ATP8A2: variants seen among roughly 807,000 people sequenced by gnomAD.
ATP8A2 encodes the protein ATPase phospholipid transporting 8A2, also known as phospholipid-transporting ATPase IB.
Under a neutral mutation model 165.6 loss-of-function variants are expected in ATP8A2, and 100 were observed. That is an observed-to-expected ratio of 0.60 (90% CI 0.51 to 0.71). The LOEUF is 0.71. Ranked by LOEUF, ATP8A2 falls within the 30% of genes least tolerant of loss-of-function variation. ATP8A2 has a pLI of 0.00. For synonymous variants in ATP8A2, 543 were observed against 548.8 expected (o/e 0.99, Z 0.15); for missense variants, 1,227 against 1,479.5 (o/e 0.83, Z 2.80).
chr13:25,647,415 T>G (rs771587530), intron 24 of ATP8A2, among the ~76,000 whole-genome samples: 2 of 152,224 alleles, frequency 1.3e-5, no homozygotes, highest in African/African-American at 2.4e-5. Context: ...TTTGAATATA[T>G]CATCCCACTC....
At chr13:25,592,938 G>A (rs1360162945) in intron 24 of ATP8A2, among the ~76,000 whole-genome samples, 1 of 152,084 alleles carries the variant, frequency 6.6e-6, no homozygotes, top group African/African-American at 2.4e-5. Context: ...AATTTATTCA[G>A]TATCTACTGA....
In ATP8A2 at chr13:25,940,954, G is replaced by T. The variant is rs182752273; in HGVS notation, c.3184-20621G>T. On this transcript the variant is annotated intron_variant, in intron 33 of 36. Transcript: ENST00000381655. ...GATTCACAGAGAGGGCTGGGCACGT[G>T]CCATGGTGTGCGGTAGCAGAGTCCA... 2.8e-3 allele frequency among the ~76,000 whole-genome samples: 432 copies of T among 152,314 alleles called. 2 individuals carry two copies. The highest frequency in any genetic ancestry group is 5.1e-3 in the Non-Finnish European group (346 of 68,034).
chr13:25,903,039 C>T (rs1462531312), intron 33 of ATP8A2, among the ~76,000 whole-genome samples: 2 of 151,844 alleles, frequency 1.3e-5, no homozygotes, highest in Non-Finnish European at 2.9e-5. Flanking sequence ...TCACTTGAAC[C>T]TGGGAGGCGG....
intron 24 of ATP8A2, among the ~76,000 whole-genome samples, chr13:25,661,626 G>A (rs1372177281): frequency 2.6e-5 from 4 of 152,174 alleles, no homozygotes; most frequent in African/African-American, 9.7e-5. Context: ...TAGCTCTGGA[G>A]AGACGGTCTT....
chr13:25,628,774 T>C (rs922039310), intron 24 of ATP8A2, among the ~76,000 whole-genome samples: 2 of 152,172 alleles, frequency 1.3e-5, no homozygotes, highest in African/African-American at 4.8e-5. Context: ...TCATGATAGA[T>C]TAGGGCCCAC....
chr13:25,699,431 C>G, intron 25 of ATP8A2, 86 bp downstream of exon 25: 1 of 1,081,808 alleles, frequency 9.2e-7, no homozygotes, highest in Non-Finnish European at 1.3e-6. Flanking sequence ...CATGGGAATT[C>G]TAGGTTTAAA....
chr13:25,978,263 G>T (rs79655984), intron 35 of ATP8A2, among the ~76,000 whole-genome samples: 4 of 152,112 alleles, frequency 2.6e-5, no homozygotes, highest in Admixed American at 2.0e-4. Context: ...CATTCCAGGC[G>T]GGGATTAGTT....
In ATP8A2 at chr13:25,402,411, G is replaced by A. The variant is rs374250835; in HGVS notation, c.76+30123G>A. Among the ~76,000 whole-genome samples, 225 of 152,220 alleles carry A rather than the reference G, an allele frequency of 1.5e-3. 5 individuals carry two copies. The South Asian group carries it at 0.045, about 30-fold the overall frequency. ...GGACACTTGGCCCTGCGTGTGTTAG[G>A]GTATGAGTATCTTTCTGCATGGATG... On this transcript the variant is annotated intron_variant, in intron 1 of 36. Transcript: ENST00000381655.
intron 35 of ATP8A2, among the ~76,000 whole-genome samples, chr13:26,000,732 A>C (rs902954534): frequency 1.3e-5 from 2 of 148,538 alleles, no homozygotes; most frequent in African/African-American, 4.9e-5. Context: ...AAGTACTTTA[A>C]TGCCAATACC....
chr13:25,681,398 C>A (rs1005436530), intron 24 of ATP8A2, among the ~76,000 whole-genome samples: 1 of 152,170 alleles, frequency 6.6e-6, no homozygotes, highest in Non-Finnish European at 1.5e-5. Context: ...TTGCGTACCC[C>A]ATAGTGTTTA....
At position 25,864,046 on chromosome 13, in the gene ATP8A2, G is replaced by A. The variant is rs568034996; in HGVS notation, c.3183+1638G>A. ...TTGATCCCCACAAAAAGCAAACCAA[G>A]AAAAGTATCCACTACAAGACAACGA... On this transcript the variant is annotated intron_variant, in intron 33 of 36. Transcript: ENST00000381655. Among the ~76,000 whole-genome samples the A allele has an allele frequency of 5.1e-4, 77 of 152,286 alleles. 1 individual carries two copies. Among genetic ancestry groups the A allele is most frequent in the African/African-American group, 1.8e-3 (76 of 41,564 alleles).
At chr13:25,600,775 G>T (rs945843900) in intron 24 of ATP8A2, among the ~76,000 whole-genome samples, 3 of 152,180 alleles carry the variant, frequency 2.0e-5, no homozygotes, top group African/African-American at 7.2e-5. Context: ...TGGTAAGAAA[G>T]GAGTCTAAGA....
chr13:25,427,531 C>A (rs1185745838), intron 1 of ATP8A2, among the ~76,000 whole-genome samples: 3 of 151,772 alleles, frequency 2.0e-5, no homozygotes. Flanking sequence ...GTCCCTGGTG[C>A]CAAAAAGGTT....
chr13:25,467,412 C>G (rs1286131553), intron 1 of ATP8A2, among the ~76,000 whole-genome samples: 1 of 152,188 alleles, frequency 6.6e-6, no homozygotes, highest in Non-Finnish European at 1.5e-5. Flanking sequence ...TCGCTTGTCC[C>G]TTTCTTAGGA....
intron 25 of ATP8A2, among the ~76,000 whole-genome samples, chr13:25,755,436 T>C (rs1270852866): frequency 6.6e-6 from 1 of 152,200 alleles, no homozygotes; most frequent in Admixed American, 6.5e-5. Context: ...CTGATTCACA[T>C]AGGCAAAATT....
intron 24 of ATP8A2, among the ~76,000 whole-genome samples, chr13:25,656,740 CAA>C (rs11326774): frequency 0.042 from 4,872 of 114,784 alleles, 138 homozygotes; most frequent in East Asian, 0.15. Context: ...GACTCTGTCT[CAA>C]AAAAAAAAAA....
At chr13:25,757,905 G>A (rs77360603) in intron 25 of ATP8A2, among the ~76,000 whole-genome samples, 489 of 152,230 alleles carry the variant, frequency 3.2e-3, no homozygotes, top group Non-Finnish European at 5.3e-3. Context: ...TATTCTGAAG[G>A]CACAGGGTCC....
At chr13:25,955,347 T>G (rs545074427) in intron 33 of ATP8A2, among the ~76,000 whole-genome samples, 1 of 152,094 alleles carries the variant, frequency 6.6e-6, no homozygotes, top group Non-Finnish European at 1.5e-5. Context: ...GCTGGTTTTT[T>G]GAAAAGATAA....
intron 25 of ATP8A2, among the ~76,000 whole-genome samples, chr13:25,723,215 G>A (rs1158881444): frequency 6.6e-6 from 1 of 152,100 alleles, no homozygotes; most frequent in African/African-American, 2.4e-5. Context: ...GTGGGGAGTG[G>A]GCATTTTTAA....
Sources: gnomAD v4.1 joint callset for allele counts (sites outside exome capture counted in the v4.1 genomes callset) on GRCh38, gnomAD v4.1.1 for gene constraint, MANE v1.5 for transcripts, NCBI Gene and HGNC (gene_info 2026-07-23, HGNC 2026-07-21) for gene names.